Variants in CHD6 observed in about 807,000 individuals in gnomAD.
The protein encoded by CHD6 is ATP-dependent chromatin remodeler CHD6.
Under a neutral mutation model 276.9 loss-of-function variants are expected in CHD6, and 50 were observed. The observed-to-expected ratio is 0.18, with a 90% CI of 0.14 to 0.23. The LOEUF is 0.23. Among genes scored for constraint, CHD6 ranks in the 10% least tolerant of loss-of-function variants. The probability of loss-of-function intolerance (pLI) is 1.00; values close to 1 mark genes in which losing one functional copy is unlikely to be tolerated. For synonymous variants in CHD6, 1,173 were observed against 1,229.3 expected (o/e 0.95, Z 0.96); for missense variants, 2,564 against 3,365.8 (o/e 0.76, Z 5.89).
At chr20:41,504,398 ATTTTCT>A (rs1255096199) in intron 5 of CHD6, among the ~76,000 whole-genome samples, 32 of 95,346 alleles carry the variant, frequency 3.4e-4, no homozygotes, top group African/African-American at 1.3e-3. Flanking sequence ...CTTTTCCTCT[ATTTTCT>A]TTTTTTTTTT....
In CHD6 at chr20:41,508,274, C is replaced by G. The variant is rs187882737; in HGVS notation, c.852+4572G>C. ...GCCTTATTAGAGAGAAAGCATTACA[C>G]AAAATGAGGAGTAGTAATCAGAGTA... On this transcript the variant is annotated intron_variant, in intron 5 of 36. Coordinates refer to ENST00000373233, the MANE Select transcript of CHD6 (RefSeq NM_032221.5). 5.3e-5 allele frequency among the ~76,000 whole-genome samples: 8 copies of G among 152,046 alleles called. No homozygotes were observed. In the East Asian group the frequency reaches 1.5e-3, roughly 29 times the overall value.
intron 17 of CHD6, among the ~76,000 whole-genome samples, chr20:41,462,157 A>G (rs1001376577): frequency 1.3e-5 from 2 of 152,202 alleles, no homozygotes; most frequent in African/African-American, 2.4e-5. Flanking sequence ...ATATGCATAT[A>G]TAAGACAAAA....
chr20:41,505,938 C>T (rs1158591061), intron 5 of CHD6, among the ~76,000 whole-genome samples: 1 of 152,182 alleles, frequency 6.6e-6, no homozygotes, highest in Non-Finnish European at 1.5e-5. Context: ...TCTTCTCCCA[C>T]CTGAGTTAGA....
chr20:41,422,449 G>C (rs2047225454), intron 30 of CHD6, among the ~76,000 whole-genome samples: 1 of 151,818 alleles, frequency 6.6e-6, no homozygotes, highest in South Asian at 2.1e-4. Flanking sequence ...GACCAGCCCG[G>C]GCAACAAAGT....
chr20:41,428,150 G>T (rs1477259350), intron 27 of CHD6, among the ~76,000 whole-genome samples: 1 of 152,178 alleles, frequency 6.6e-6, no homozygotes, highest in Non-Finnish European at 1.5e-5. Context: ...AACATGAATA[G>T]TTTTAGGCAA....
At chr20:41,581,546 G>A (rs1291201147) in intron 1 of CHD6, among the ~76,000 whole-genome samples, 2 of 151,812 alleles carry the variant, frequency 1.3e-5, no homozygotes, top group Non-Finnish European at 2.9e-5. Context: ...GTGGTGGTGC[G>A]TGCCTATAGT....
rs79101864 is a variant in CHD6, at chr20:41,556,473, T to A, written c.-23-5113A>T. On this transcript the variant is annotated intron_variant, in intron 1 of 36. Coordinates refer to ENST00000373233, the MANE Select transcript of CHD6 (RefSeq NM_032221.5). ...CAGTTCCACTTTAAGGAATATCTCC[T>A]AAGGCCATAAGCGGGTAGGAAATGA... 5.9e-3 allele frequency among the ~76,000 whole-genome samples: 894 copies of A among 151,856 alleles called. 4 individuals carry two copies. The highest frequency in any genetic ancestry group is 0.01 in the Non-Finnish European group (696 of 67,924).
intron 3 of CHD6, among the ~76,000 whole-genome samples, chr20:41,519,232 C>G (rs1535223): frequency 0.47 from 70,850 of 151,892 alleles, 17,853 homozygotes; most frequent in African/African-American, 0.67. Flanking sequence ...GCAGTGAGCA[C>G]AGATCATGCC....
Position 41,420,764 on chromosome 20 carries a change from G to A in CHD6, c.5871C>T (p.Ile1957=), listed in dbSNP as rs759522852. ...MHGLENDEFE[I]EKPKAYIPDL... is the part of the protein sequence containing the mutation. ...CTGGGATATAAGCCTTGGGTTTCTC[G>A]ATTTCAAATTCATCATTCTCGAGGC... Residue 1957 remains isoleucine (I), a synonymous_variant, in exon 31 of 37, where the codon ATC becomes ATT. Transcript: ENST00000373233. The A allele has an allele frequency of 6.8e-6, 11 of 1,614,070 alleles. No homozygotes were observed. Among genetic ancestry groups the A allele is most frequent in the South Asian group, 5.5e-5 (5 of 91,088 alleles).
At chr20:41,606,873 T>G (rs2045835372) in intron 1 of CHD6, among the ~76,000 whole-genome samples, 1 of 152,160 alleles carries the variant, frequency 6.6e-6, no homozygotes, top group African/African-American at 2.4e-5. Flanking sequence ...GTACTGGTAT[T>G]TTTATAAGCT....
intron 22 of CHD6, among the ~76,000 whole-genome samples, chr20:41,451,444 C>G (rs755324143): frequency 1.1e-4 from 16 of 152,234 alleles, no homozygotes; most frequent in South Asian, 8.3e-4. Context: ...TCAAGGGGAG[C>G]CTTAGCCAAG....
chr20:41,476,868 A>C (rs1243659338), intron 16 of CHD6, among the ~76,000 whole-genome samples: 1 of 152,188 alleles, frequency 6.6e-6, no homozygotes, highest in Non-Finnish European at 1.5e-5. Context: ...ATAAACATGT[A>C]AATGTGTATG....
intron 1 of CHD6, among the ~76,000 whole-genome samples, chr20:41,554,311 G>T (rs1335206010): frequency 6.6e-6 from 1 of 152,114 alleles, no homozygotes; most frequent in Non-Finnish European, 1.5e-5. Context: ...AACAAGCAGG[G>T]CACCTAACAC....
chr20:41,512,804 G>A (rs1374090443), intron 5 of CHD6, 42 bp downstream of exon 5: 2 of 1,608,736 alleles, frequency 1.2e-6, no homozygotes, highest in Non-Finnish European at 1.7e-6. Flanking sequence ...AGGTCAAAAT[G>A]ACTGTCCAGC....
In CHD6 at chr20:41,422,226, G is replaced by T. The variant is rs2047218473; in HGVS notation, c.4556-147C>A. On this transcript the variant is annotated intron_variant, in intron 30 of 36. Transcript: ENST00000373233. ...AGGTGTGTGAGCCCTTGCCAAAATA[G>T]GAAACTGAAAAAGAATGGAAGGCTT... 4 of 727,880 alleles carry T rather than the reference G, an allele frequency of 5.5e-6. No homozygotes were observed. In the Admixed American group the frequency reaches 1.3e-4, roughly 23 times the overall value. The allele number at this position is 727,880 out of a possible 1,614,324, so 45.1% of individuals were successfully genotyped here.
At chr20:41,494,736 C>CT (rs2043640247) in intron 8 of CHD6, among the ~76,000 whole-genome samples, 1 of 152,170 alleles carries the variant, frequency 6.6e-6, no homozygotes, top group Non-Finnish European at 1.5e-5. Flanking sequence ...CTGCAAGGCA[C>CT]TTTTGGGGCT....
At chr20:41,480,376 T>C (rs1232934861) in intron 16 of CHD6, among the ~76,000 whole-genome samples, 1 of 152,182 alleles carries the variant, frequency 6.6e-6, no homozygotes, top group Non-Finnish European at 1.5e-5. Flanking sequence ...TGCTGAATTA[T>C]AATAGGTGTA....
At chr20:41,590,225 A>G (rs572727910) in intron 1 of CHD6, among the ~76,000 whole-genome samples, 2 of 152,260 alleles carry the variant, frequency 1.3e-5, no homozygotes, top group Admixed American at 6.5e-5. Context: ...AAGATGGATT[A>G]AAGACTTACA....
intron 2 of CHD6, among the ~76,000 whole-genome samples, chr20:41,537,434 T>C (rs1034520639): frequency 2.0e-5 from 3 of 152,246 alleles, no homozygotes; most frequent in Non-Finnish European, 2.9e-5. Context: ...AGAAGATGTG[T>C]ATGGGTTATA....
Sources: gnomAD v4.1 joint callset for allele counts (sites outside exome capture counted in the v4.1 genomes callset) on GRCh38, gnomAD v4.1.1 for gene constraint, MANE v1.5 for transcripts, NCBI Gene and HGNC (gene_info 2026-07-23, HGNC 2026-07-21) for gene names.